ZSWIM7: variants seen among roughly 807,000 people sequenced by gnomAD.
The protein encoded by ZSWIM7 is zinc finger SWIM-type containing 7, also known as zinc finger SWIM domain-containing protein 7.
A neutral mutation model predicts 21.1 loss-of-function variants in ZSWIM7; 22 were observed. The ratio of observed to expected loss-of-function variants is 1.04; its 90% CI spans 0.74 to 1.49. The LOEUF is 1.49. Ranked by LOEUF, ZSWIM7 falls within the 40% of genes most tolerant of loss-of-function variation. ZSWIM7 has a pLI of 0.00. For missense variants in ZSWIM7, 193 were observed against 168.0 expected, an observed-to-expected ratio of 1.15 and a Z score of -0.82; for synonymous variants, 67 against 66.5, an observed-to-expected ratio of 1.01 and a Z score of -0.04.
intron 3 of ZSWIM7, among the ~76,000 whole-genome samples, chr17:15,984,614 T>G (rs1970389625): frequency 6.6e-6 from 1 of 152,236 alleles, no homozygotes; most frequent in Non-Finnish European, 1.5e-5. Context: ...CCAAGCCTCT[T>G]AGGACACTCC....
chr17:15,982,078 C>T (rs1970362383), intron 3 of ZSWIM7, among the ~76,000 whole-genome samples: 1 of 151,966 alleles, frequency 6.6e-6, no homozygotes, highest in African/African-American at 2.4e-5. Context: ...GATCTGCCTA[C>T]TCATCTAGCA....
chr17:15,995,624 G>C (rs1000848241), intron 1 of ZSWIM7, among the ~76,000 whole-genome samples: 1 of 148,698 alleles, frequency 6.7e-6, no homozygotes, highest in African/African-American at 2.5e-5. Context: ...CAGAAAATCT[G>C]GAAGATAAAG....
intron 4 of ZSWIM7, among the ~76,000 whole-genome samples, chr17:15,980,039 C>A (rs112347584): frequency 5.9e-5 from 7 of 118,258 alleles, no homozygotes; most frequent in South Asian, 2.8e-4. Context: ...GGGGGGCTGA[C>A]CCCCCCACCT....
chr17:15,977,992 A>G lies in ZSWIM7; in HGVS notation c.*55T>C. The G allele has an allele frequency of 2.9e-6, 4 of 1,362,928 alleles. No homozygotes were observed. Among genetic ancestry groups the G allele is most frequent in the Non-Finnish European group, 4.2e-6 (4 of 954,212 alleles). The allele number at this position is 1,362,928 out of a possible 1,614,324, so 84.4% of individuals were successfully genotyped here. A position where few individuals can be genotyped will look rare whatever the true frequency, so the allele number is the denominator to read the frequency against. On this transcript the variant is annotated 3_prime_UTR_variant, in exon 5 of 5. Transcript: ENST00000399277. ...TTTCCATGTGAATCATGACGCTTTC[A>G]ATGCATTTCTTGACAGGATTCTATT...
intron 3 of ZSWIM7, among the ~76,000 whole-genome samples, chr17:15,985,001 G>T (rs941502388): frequency 3.9e-5 from 6 of 152,072 alleles, no homozygotes; most frequent in Non-Finnish European, 7.4e-5. Context: ...CTTATTAAGT[G>T]AATCAAAAAA....
rs144875789 is a variant in ZSWIM7 at position 15,986,480 on chromosome 17, G to T, written c.201+786C>A. ...AATCTAAAAAAAGTTGAACTCATAGGCTGGGTGCAATGGCTCATGCCTGTA... is the reference window on the plus strand; with the variant it reads ...AATCTAAAAAAAGTTGAACTCATAGTCTGGGTGCAATGGCTCATGCCTGTA... On this transcript the variant is annotated intron_variant, in intron 3 of 4. Transcript: ENST00000399277. Among the ~76,000 whole-genome samples the T allele has an allele frequency of 1.9e-4, 29 of 152,236 alleles. 1 individual carries two copies. The highest frequency in any genetic ancestry group is 6.7e-4 in the African/African-American group (28 of 41,546).
intron 1 of ZSWIM7, among the ~76,000 whole-genome samples, chr17:15,995,575 T>TAAAA (rs550832963): frequency 1.2e-4 from 12 of 100,208 alleles, no homozygotes; most frequent in East Asian, 5.5e-4. Context: ...CCCTGTCTCT[T>TAAAA]AAAAAAAAAA....
intron 2 of ZSWIM7, among the ~76,000 whole-genome samples, chr17:15,991,904 G>GTTTTTTTTTTTTTTTTTT (rs1277836412): frequency 1.1e-5 from 1 of 90,680 alleles, no homozygotes; most frequent in African/African-American, 5.2e-5. Flanking sequence ...GACAGGTTTT[G>GTTTTTTTTTTTTTTTTTT]TTTTTTTTTG....
intron 2 of ZSWIM7, among the ~76,000 whole-genome samples, chr17:15,992,839 T>C (rs1443896782): frequency 6.6e-6 from 1 of 152,178 alleles, no homozygotes; most frequent in Non-Finnish European, 1.5e-5. Context: ...TTAAGAATCA[T>C]GTCAAGAAAA....
chr17:15,986,991 G>C (rs1197763428), intron 3 of ZSWIM7: 1 of 244,028 alleles, frequency 4.1e-6, no homozygotes, highest in Non-Finnish European at 7.8e-6. Flanking sequence ...AGTATATAAG[G>C]TATTAGATAT....
In ZSWIM7 at chr17:15,999,534, G is replaced by GCAC; in HGVS notation, c.58_60dup (p.Val20dup). The GCAC allele has an allele frequency of 2.5e-6, 4 of 1,600,474 alleles. No individual in the cohort carries two copies. Among genetic ancestry groups the GCAC allele is most frequent in the Non-Finnish European group, 3.4e-6 (4 of 1,177,126 alleles). ...GGTCCCGTACTTCGCGCGCTCTCCT[G>GCAC]CACCGCCGCCGCCATCTCGCTCAGG... is the stretch of plus-strand genomic sequence containing the variant. On this transcript the variant is annotated inframe_insertion, in exon 1 of 5. Transcript: ENST00000399277.
chr17:15,981,901 G>C (rs1291990672), intron 3 of ZSWIM7, among the ~76,000 whole-genome samples: 1 of 152,188 alleles, frequency 6.6e-6, no homozygotes, highest in East Asian at 1.9e-4. Flanking sequence ...GGGTGACAAA[G>C]ATCCCATCTC....
chr17:15,985,083 C>A (rs1970393663), intron 3 of ZSWIM7, among the ~76,000 whole-genome samples: 1 of 152,156 alleles, frequency 6.6e-6, no homozygotes, highest in Non-Finnish European at 1.5e-5. Flanking sequence ...GGTGGTGGAT[C>A]ACCTGAGGTC....
intron 1 of ZSWIM7, among the ~76,000 whole-genome samples, chr17:15,996,595 A>C (rs1298291858): frequency 6.6e-6 from 1 of 152,146 alleles, no homozygotes; most frequent in Non-Finnish European, 1.5e-5. Context: ...CAAAAGGTAC[A>C]TCTCATGCCC....
chr17:15,994,676 G>C (rs1970526361), intron 1 of ZSWIM7, among the ~76,000 whole-genome samples: 1 of 152,246 alleles, frequency 6.6e-6, no homozygotes, highest in East Asian at 1.9e-4. Context: ...GAAAGTCAGG[G>C]TGTCACACTG....
At chr17:15,984,395 G>A (rs1017226218) in intron 3 of ZSWIM7, among the ~76,000 whole-genome samples, 1 of 152,184 alleles carries the variant, frequency 6.6e-6, no homozygotes, top group Non-Finnish European at 1.5e-5. Flanking sequence ...CTTATAGTCT[G>A]GAATGTTTAT....
chr17:15,991,754 A>C (rs1037600055), intron 2 of ZSWIM7, among the ~76,000 whole-genome samples: 5 of 152,094 alleles, frequency 3.3e-5, no homozygotes, highest in African/African-American at 1.2e-4. Flanking sequence ...CAAAGAAAAA[A>C]CACTGGTAGA....
intron 3 of ZSWIM7, among the ~76,000 whole-genome samples, chr17:15,983,773 G>C (rs1229829065): frequency 6.6e-6 from 1 of 152,042 alleles, no homozygotes; most frequent in Non-Finnish European, 1.5e-5. Flanking sequence ...TTTTAGTAGA[G>C]ATGGGGTTTT....
chr17:15,978,492 G>A (rs1970306356), intron 4 of ZSWIM7, among the ~76,000 whole-genome samples: 1 of 152,196 alleles, frequency 6.6e-6, no homozygotes, highest in African/African-American at 2.4e-5. Context: ...CAGCTACTCA[G>A]GAGGCTGAGC....
Sources: allele counts gnomAD v4.1 joint callset (sites outside exome capture counted in the v4.1 genomes callset), GRCh38; gene constraint gnomAD v4.1.1; transcripts MANE v1.5; gene names NCBI Gene and HGNC (gene_info 2026-07-23, HGNC 2026-07-21).